Variants in CRACD observed in about 807,000 individuals in gnomAD.
The protein encoded by CRACD is capping protein-inhibiting regulator of actin dynamics.
CRACD carries 56 observed loss-of-function variants against 106.8 expected under a neutral mutation model. The observed-to-expected ratio is 0.52, with a 90% CI of 0.42 to 0.66. The LOEUF (loss-of-function observed/expected upper bound fraction) is 0.66. Ranked by LOEUF, CRACD falls within the 30% of genes least tolerant of loss-of-function variation. The pLI, the probability that CRACD is intolerant of heterozygous loss-of-function variation, is 0.00. For synonymous variants in CRACD, 754 were observed against 670.8 expected, an observed-to-expected ratio of 1.12 and a Z score of -1.92; for missense variants, 1,730 against 1,623.2, an observed-to-expected ratio of 1.07 and a Z score of -1.13.
rs537590762 is a variant in CRACD, at chr4:56,128,064, C to T, written c.-335-51220C>T. On this transcript the variant is annotated intron_variant, in intron 1 of 10. Coordinates refer to ENST00000682029, the MANE Select transcript of CRACD (RefSeq NM_001393381.1). ...GTACAGGAAGGCACTAGAATTTGAGCGAAATAAAATGGGAGTCGTCACCAT... is the reference window on the plus strand; with the variant it reads ...GTACAGGAAGGCACTAGAATTTGAGTGAAATAAAATGGGAGTCGTCACCAT... Among the ~76,000 whole-genome samples, 6 of 151,738 alleles carry T rather than the reference C, an allele frequency of 4.0e-5. No individual in the cohort carries two copies. The South Asian group carries it at 1.0e-3, about 26-fold the overall frequency.
In CRACD at chr4:56,289,349, C is replaced by G. The variant is rs548709203; in HGVS notation, c.-16-8865C>G. 1.3e-4 allele frequency among the ~76,000 whole-genome samples: 20 copies of G among 152,172 alleles called. 1 individual carries two copies. The South Asian group carries it at 4.2e-3, about 32-fold the overall frequency. ...AAAAAATTTATGGCTGCTGGGATCC[C>G]ACTTGGTAATGACAGATTTTGTGTT... On this transcript the variant is annotated intron_variant, in intron 3 of 10. Coordinates refer to ENST00000682029, the MANE Select transcript of CRACD (RefSeq NM_001393381.1).
In CRACD at chr4:56,078,347, A is replaced by C. The variant is rs567292429; in HGVS notation, c.-336+29048A>C. 2.6e-5 allele frequency among the ~76,000 whole-genome samples: 4 copies of C among 152,272 alleles called. No homozygotes were observed. In the South Asian group the frequency reaches 8.3e-4, roughly 32 times the overall value. On this transcript the variant is annotated intron_variant, in intron 1 of 10. Transcript: ENST00000682029. Reference sequence around the variant, plus strand: ...TAGATTAAAACATGAGTATTGACTGATTTACTAAATTGTTACTAGGTTTTA... The same window carrying C: ...TAGATTAAAACATGAGTATTGACTGCTTTACTAAATTGTTACTAGGTTTTA...
chr4:56,073,666 T>A (rs1732739647), intron 1 of CRACD, among the ~76,000 whole-genome samples: 1 of 152,236 alleles, frequency 6.6e-6, no homozygotes, highest in South Asian at 2.1e-4. Flanking sequence ...TTGTTCACTC[T>A]GATGATAGTT....
intron 1 of CRACD, among the ~76,000 whole-genome samples, chr4:56,093,502 A>G (rs1177679729): frequency 6.6e-6 from 1 of 152,212 alleles, no homozygotes; most frequent in African/African-American, 2.4e-5. Context: ...GTGGCCCTGT[A>G]GAGTTCCCTG....
At chr4:56,117,250 T>G (rs28895893) in intron 1 of CRACD, among the ~76,000 whole-genome samples, 17,401 of 152,026 alleles carry the variant, frequency 0.11, 1,086 homozygotes, top group East Asian at 0.25. Flanking sequence ...CTCTATCTCC[T>G]GACCTTGGGA....
At chr4:56,114,865 A>T (rs1019302603) in intron 1 of CRACD, among the ~76,000 whole-genome samples, 2 of 152,210 alleles carry the variant, frequency 1.3e-5, no homozygotes, top group African/African-American at 4.8e-5. Flanking sequence ...CCTGTGCATT[A>T]TAGTAAAAAA....
intron 2 of CRACD, among the ~76,000 whole-genome samples, chr4:56,180,964 ATAAT>A (rs1736797031): frequency 6.6e-6 from 1 of 152,172 alleles, no homozygotes; most frequent in African/African-American, 2.4e-5. Context: ...GGCTTCTGTA[ATAAT>A]TAAAGTGGTC....
intron 1 of CRACD, among the ~76,000 whole-genome samples, chr4:56,139,628 C>T (rs1020992769): frequency 3.3e-5 from 5 of 152,158 alleles, no homozygotes; most frequent in African/African-American, 1.2e-4. Context: ...AGAAGGCGTG[C>T]TTGCAAATGA....
chr4:56,253,576 A>G (rs1741169268), intron 2 of CRACD, among the ~76,000 whole-genome samples: 1 of 152,220 alleles, frequency 6.6e-6, no homozygotes, highest in African/African-American at 2.4e-5. Flanking sequence ...GTACACAAAA[A>G]TGTCATCGTT....
intron 1 of CRACD, among the ~76,000 whole-genome samples, chr4:56,076,930 A>G (rs754892876): frequency 2.0e-5 from 3 of 152,218 alleles, no homozygotes; most frequent in Non-Finnish European, 4.4e-5. Flanking sequence ...AAACACCTAA[A>G]TGCAGTCATT....
intron 2 of CRACD, among the ~76,000 whole-genome samples, chr4:56,225,553 T>C (rs1739258827): frequency 6.6e-6 from 1 of 152,170 alleles, no homozygotes; most frequent in Non-Finnish European, 1.5e-5. Flanking sequence ...ATCTTCTATT[T>C]CTCTTCCATA....
At chr4:56,067,954 A>G (rs140669385) in intron 1 of CRACD, among the ~76,000 whole-genome samples, 197 of 152,222 alleles carry the variant, frequency 1.3e-3, no homozygotes, top group African/African-American at 4.6e-3. Flanking sequence ...AGTGTTTACT[A>G]TTTGGCCAGA....
chr4:56,116,708 C>CATTT (rs1251848669), intron 1 of CRACD, among the ~76,000 whole-genome samples: 1 of 151,766 alleles, frequency 6.6e-6, no homozygotes, highest in East Asian at 1.9e-4. Context: ...TTTATTTTTT[C>CATTT]ATTTATTTAT....
At chr4:56,178,526 T>A (rs893675115) in intron 1 of CRACD, among the ~76,000 whole-genome samples, 2 of 152,242 alleles carry the variant, frequency 1.3e-5, no homozygotes, top group Non-Finnish European at 2.9e-5. Context: ...GTTCTAGTTG[T>A]ATTCAATGAG....
chr4:56,107,746 T>C (rs1038596662), intron 1 of CRACD, among the ~76,000 whole-genome samples: 2 of 152,214 alleles, frequency 1.3e-5, no homozygotes, highest in Non-Finnish European at 2.9e-5. Flanking sequence ...GGGCATTTAC[T>C]GCTGGGGTAC....
rs74818238 is a variant in CRACD, at chr4:56,064,689, C to G, written c.-336+15390C>G. Among the ~76,000 whole-genome samples the G allele has an allele frequency of 6.3e-3, 958 of 152,306 alleles. 7 individuals are homozygous for G. Among genetic ancestry groups the G allele is most frequent in the African/African-American group, 0.022 (925 of 41,550 alleles). On this transcript the variant is annotated intron_variant, in intron 1 of 10. Transcript: ENST00000682029. ...TTCACCTATTGTTAAAAAAATACTC[C>G]TTGATCTTACTCCCTCTTTTTTCTT...
rs756962992 is a variant in CRACD at position 56,313,316 on chromosome 4, G to C, written c.474G>C (p.Lys158Asn). ...CTCGCCTGGACAACAGTGCCGCCAA[G>C]CACAAGCTGGCTGTTAAGCCAAAAA... ...AIARLDNSAAKHKLAVKPKKQ... is the reference protein window; with the variant it reads ...AIARLDNSAANHKLAVKPKKQ... Residue 158 changes from lysine (K) to asparagine (N), a missense_variant, in exon 7 of 11, where the codon AAG becomes AAC. By Grantham distance (94) the Lys-to-Asn change is moderately conservative. This residue lies in a region of CRACD where 1,620 missense variants were observed against 1,481.6 expected (regional missense o/e 1.09). Coordinates refer to ENST00000682029, the MANE Select transcript of CRACD (RefSeq NM_001393381.1). The C allele has an allele frequency of 6.2e-7, 1 of 1,614,228 alleles. No homozygotes were observed. Among genetic ancestry groups the C allele is most frequent in the Non-Finnish European group, 8.5e-7 (1 of 1,180,044 alleles).
intron 1 of CRACD, among the ~76,000 whole-genome samples, chr4:56,087,465 G>C (rs751517348): frequency 6.6e-6 from 1 of 152,136 alleles, no homozygotes; most frequent in Non-Finnish European, 1.5e-5. Context: ...TCTCGCTTCT[G>C]TCTGCTCCTT....
intron 1 of CRACD, among the ~76,000 whole-genome samples, chr4:56,157,372 T>C (rs1170618351): frequency 6.6e-6 from 1 of 152,188 alleles, no homozygotes; most frequent in East Asian, 1.9e-4. Context: ...ATTGGGATTA[T>C]GTCTTCGTAT....
Sources: gnomAD v4.1 joint callset for allele counts (sites outside exome capture counted in the v4.1 genomes callset) on GRCh38, gnomAD v4.1.1 for gene constraint, gnomAD v4.1.1 regional missense constraint, MANE v1.5 for transcripts, NCBI Gene and HGNC (gene_info 2026-07-23, HGNC 2026-07-21) for gene names.